TPST1: variants seen among roughly 807,000 people sequenced by gnomAD.
The protein encoded by TPST1 is tyrosylprotein sulfotransferase 1.
Under a neutral mutation model 34.8 loss-of-function variants are expected in TPST1, and 20 were observed. The ratio of observed to expected loss-of-function variants is 0.57; its 90% CI spans 0.40 to 0.84. The LOEUF (loss-of-function observed/expected upper bound fraction) is 0.84, where lower values mean the gene tolerates loss of function less well. Ranked by LOEUF, TPST1 falls within the 40% of genes least tolerant of loss-of-function variation. The pLI, the probability that TPST1 is intolerant of heterozygous loss-of-function variation, is 0.00. For missense variants in TPST1, 353 were observed against 455.5 expected (o/e 0.78, Z 2.05); for synonymous variants, 152 against 159.4 (o/e 0.95, Z 0.35).
chr7:66,250,570 G>A (rs1250652032), intron 2 of TPST1, among the ~76,000 whole-genome samples: 6 of 152,098 alleles, frequency 3.9e-5, no homozygotes. Context: ...AAATGGGAAT[G>A]ATAATATGTT....
At chr7:66,261,210 A>G (rs1790480079) in intron 2 of TPST1, among the ~76,000 whole-genome samples, 1 of 141,410 alleles carries the variant, frequency 7.1e-6, no homozygotes, top group African/African-American at 2.6e-5. Context: ...TGTTTTGAAA[A>G]TTGTTGTGCA....
rs956793351 is a variant in TPST1, at chr7:66,241,046, C to T, written c.621C>T (p.Ser207=). 6.2e-7 allele frequency: 1 copy of T among 1,614,188 alleles called. No homozygotes were observed. Among genetic ancestry groups the T allele is most frequent in the Non-Finnish European group, 8.5e-7 (1 of 1,180,028 alleles). ...KVTIAGFDLN[S]YRDCLTKWNR... Reference sequence around the variant, plus strand: ...CTATAGCTGGATTTGATCTGAACAGCTATAGGGACTGTTTGACAAAGTGGA... The same window carrying T: ...CTATAGCTGGATTTGATCTGAACAGTTATAGGGACTGTTTGACAAAGTGGA... The change falls in exon 2 of 6, where the codon AGC becomes AGT. Residue 207 remains serine (S), a synonymous_variant. Transcript: ENST00000304842.
chr7:66,224,190 A>G (rs1789602580), intron 1 of TPST1, among the ~76,000 whole-genome samples: 1 of 152,220 alleles, frequency 6.6e-6, no homozygotes, highest in African/African-American at 2.4e-5. Flanking sequence ...CAATGGTTTC[A>G]TTTAGGTCAG....
At chr7:66,267,734 A>G (rs139111231) in intron 2 of TPST1, among the ~76,000 whole-genome samples, 1 of 152,320 alleles carries the variant, frequency 6.6e-6, no homozygotes, top group East Asian at 1.9e-4. Context: ...TTATTCAACA[A>G]ATATTTGTTA....
chr7:66,345,423 G>T (rs985446835), intron 3 of TPST1, among the ~76,000 whole-genome samples: 1 of 148,816 alleles, frequency 6.7e-6, no homozygotes, highest in African/African-American at 2.5e-5. Context: ...AACCTGGGAG[G>T]CAGAGGTTGC....
intron 3 of TPST1, among the ~76,000 whole-genome samples, chr7:66,301,291 A>T (rs989070728): frequency 1.3e-5 from 2 of 152,176 alleles, no homozygotes; most frequent in Non-Finnish European, 2.9e-5. Flanking sequence ...CTTGCTCTGG[A>T]TTAGGCTTTG....
intron 1 of TPST1, among the ~76,000 whole-genome samples, chr7:66,231,467 C>T (rs1789790760): frequency 6.6e-6 from 1 of 152,220 alleles, no homozygotes; most frequent in South Asian, 2.1e-4. Context: ...GGGTGGGAGG[C>T]TCAGGCATGG....
At chr7:66,301,913 C>T (rs555869773) in intron 3 of TPST1, among the ~76,000 whole-genome samples, 1 of 152,180 alleles carries the variant, frequency 6.6e-6, no homozygotes. Context: ...ATGTCACCAA[C>T]AGACTTGCTC....
chr7:66,295,575 G>T (rs1225419270), intron 3 of TPST1, among the ~76,000 whole-genome samples: 1 of 152,146 alleles, frequency 6.6e-6, no homozygotes. Context: ...TTAGATTTTT[G>T]TTGGTTTTAA....
intron 1 of TPST1, among the ~76,000 whole-genome samples, chr7:66,222,138 C>T (rs1789555537): frequency 6.6e-6 from 1 of 152,188 alleles, no homozygotes; most frequent in African/African-American, 2.4e-5. Context: ...AATCCCAGCA[C>T]TTTGGGAGGC....
intron 3 of TPST1, among the ~76,000 whole-genome samples, chr7:66,350,330 A>T (rs1792450477): frequency 6.6e-6 from 1 of 152,076 alleles, no homozygotes; most frequent in East Asian, 1.9e-4. Flanking sequence ...AATGATTCTT[A>T]TATGTAGATT....
intron 3 of TPST1, among the ~76,000 whole-genome samples, chr7:66,324,025 G>A (rs1176912126): frequency 6.6e-6 from 1 of 152,216 alleles, no homozygotes; most frequent in Non-Finnish European, 1.5e-5. Flanking sequence ...TAAACAAAAT[G>A]TGGTAAAGAT....
chr7:66,304,029 C>T (rs1377049446), intron 3 of TPST1, among the ~76,000 whole-genome samples: 1 of 152,068 alleles, frequency 6.6e-6, no homozygotes, highest in East Asian at 1.9e-4. Flanking sequence ...AGTCTGGGCT[C>T]AGTCAGGGAA....
chr7:66,300,524 G>T (rs1349054421), intron 3 of TPST1, among the ~76,000 whole-genome samples: 1 of 152,134 alleles, frequency 6.6e-6, no homozygotes, highest in East Asian at 1.9e-4. Flanking sequence ...CATGAATTAC[G>T]AATGTTCTTA....
chr7:66,205,297 G>A (rs536819640), upstream of TPST1: 1 of 152,442 alleles, frequency 6.6e-6, no homozygotes, highest in African/African-American at 2.4e-5. This position sits in a 1 kb window ranked among gnomAD's most constrained non-coding sequence, Gnocchi z 5.0. Context: ...CCACCTCCCC[G>A]GACCCTGGCG....
At chr7:66,223,458 CAA>C (rs34400889) in intron 1 of TPST1, among the ~76,000 whole-genome samples, 200 of 59,224 alleles carry the variant, frequency 3.4e-3, no homozygotes, top group African/African-American at 0.013. Context: ...GACCCTGTCT[CAA>C]AAAAAAAAAA....
At chr7:66,350,341 C>G (rs1447760043) in intron 3 of TPST1, among the ~76,000 whole-genome samples, 2 of 152,082 alleles carry the variant, frequency 1.3e-5, no homozygotes, top group Non-Finnish European at 2.9e-5. Context: ...TATGTAGATT[C>G]TTTAGGGAGC....
rs752489239 is a variant in TPST1, at chr7:66,240,412, A to G, written c.-14A>G. On this transcript the variant is annotated 5_prime_UTR_variant, in exon 2 of 6. Coordinates refer to ENST00000304842, the MANE Select transcript of TPST1 (RefSeq NM_003596.4). ...AGCAAAATATCTGTTTAATAACAAGATAACCACATCAAGATGGTTGGAAAG... is the reference window on the plus strand; with the variant it reads ...AGCAAAATATCTGTTTAATAACAAGGTAACCACATCAAGATGGTTGGAAAG... 1.2e-6 allele frequency: 2 copies of G among 1,609,380 alleles called. No homozygotes were observed. Among genetic ancestry groups the G allele is most frequent in the Non-Finnish European group, 1.7e-6 (2 of 1,177,064 alleles).
chr7:66,273,804 A>T (rs1006906055), intron 2 of TPST1, among the ~76,000 whole-genome samples: 13 of 150,858 alleles, frequency 8.6e-5, no homozygotes, highest in Middle Eastern at 6.9e-3. Context: ...GAAAAAAAAA[A>T]ATTTTTTTTT....
Sources: gnomAD v4.1 joint callset for allele counts (sites outside exome capture counted in the v4.1 genomes callset) on GRCh38, gnomAD v4.1.1 for gene constraint, Gnocchi (gnomAD v3.1) non-coding constraint, MANE v1.5 for transcripts, NCBI Gene and HGNC (gene_info 2026-07-23, HGNC 2026-07-21) for gene names.